Variants in AOAH observed in about 807,000 individuals in gnomAD.
The protein encoded by AOAH is acyloxyacyl hydrolase (neutrophil).
A neutral mutation model predicts 92.2 loss-of-function variants in AOAH; 64 were observed. The ratio of observed to expected loss-of-function variants is 0.69; its 90% CI spans 0.57 to 0.86. The LOEUF (loss-of-function observed/expected upper bound fraction) is 0.86. Among genes scored for constraint, AOAH ranks in the 40% least tolerant of loss-of-function variants. AOAH has a pLI of 0.00. For missense variants in AOAH, 656 were observed against 694.6 expected (o/e 0.94, Z 0.62); for synonymous variants, 263 against 254.5 (o/e 1.03, Z -0.32).
intron 1 of AOAH, among the ~76,000 whole-genome samples, chr7:36,701,712 C>T (rs1798045971): frequency 6.6e-6 from 1 of 151,824 alleles, no homozygotes; most frequent in Non-Finnish European, 1.5e-5. Flanking sequence ...CTCTAGCAGA[C>T]AGAGTATACT....
intron 3 of AOAH, among the ~76,000 whole-genome samples, chr7:36,663,564 C>G: frequency 6.6e-6 from 1 of 152,210 alleles, no homozygotes; most frequent in East Asian, 1.9e-4. Flanking sequence ...TGGAATCATA[C>G]TGCATGTAGC....
intron 1 of AOAH, among the ~76,000 whole-genome samples, chr7:36,708,499 G>A (rs1798565869): frequency 6.6e-6 from 1 of 151,842 alleles, no homozygotes; most frequent in African/African-American, 2.4e-5. Context: ...CTTTAATTCT[G>A]TGGATATCCC....
intron 2 of AOAH, among the ~76,000 whole-genome samples, chr7:36,682,463 A>G (rs1432314911): frequency 2.0e-5 from 3 of 152,242 alleles, no homozygotes; most frequent in East Asian, 3.8e-4. Context: ...AGTTATTATA[A>G]GAAGAAAAAG....
chr7:36,665,748 T>TA (rs139451403), intron 3 of AOAH, among the ~76,000 whole-genome samples: 2,779 of 152,232 alleles, frequency 0.018, 70 homozygotes, highest in African/African-American at 0.063. Context: ...GAGTTTTTTT[T>TA]AAATCACAAA....
chr7:36,582,073 T>C (rs886251897), intron 12 of AOAH, among the ~76,000 whole-genome samples: 1 of 152,228 alleles, frequency 6.6e-6, no homozygotes, highest in Non-Finnish European at 1.5e-5. Flanking sequence ...TAGGACAAGC[T>C]GAGGCTACTA....
intron 3 of AOAH, among the ~76,000 whole-genome samples, chr7:36,665,669 T>C (rs980696516): frequency 3.9e-5 from 6 of 152,146 alleles, no homozygotes; most frequent in Non-Finnish European, 5.9e-5. Context: ...TGATGTTCAT[T>C]GTAGTCTTTT....
chr7:36,589,090 C>T (rs1171225377), intron 12 of AOAH, among the ~76,000 whole-genome samples: 2 of 151,972 alleles, frequency 1.3e-5, no homozygotes, highest in Non-Finnish European at 1.5e-5. Flanking sequence ...GTTTTTCATC[C>T]TTATCACTTA....
intron 11 of AOAH, among the ~76,000 whole-genome samples, chr7:36,612,338 G>A (rs963347349): frequency 6.6e-6 from 1 of 152,098 alleles, no homozygotes; most frequent in African/African-American, 2.4e-5. Context: ...TTGCTTAACC[G>A]ATTATCATAA....
intron 1 of AOAH, among the ~76,000 whole-genome samples, chr7:36,711,026 G>T (rs745720316): frequency 6.6e-6 from 1 of 152,134 alleles, no homozygotes; most frequent in African/African-American, 2.4e-5. Flanking sequence ...GCAGAACCAG[G>T]ATTCAAATCT....
chr7:36,645,078 A>T (rs1430226288), intron 4 of AOAH, among the ~76,000 whole-genome samples: 2 of 152,184 alleles, frequency 1.3e-5, no homozygotes, highest in Non-Finnish European at 2.9e-5. Flanking sequence ...TGCCCACTGG[A>T]GGAGGGAAGT....
At chr7:36,518,536 A>G (rs538835304) in intron 20 of AOAH, among the ~76,000 whole-genome samples, 1 of 152,332 alleles carries the variant, frequency 6.6e-6, no homozygotes, top group Non-Finnish European at 1.5e-5. Flanking sequence ...GCCAGTTCAC[A>G]CAACCTTGGC....
chr7:36,698,053 G>T (rs1584141513), intron 1 of AOAH, among the ~76,000 whole-genome samples: 1 of 152,094 alleles, frequency 6.6e-6, no homozygotes, highest in East Asian at 1.9e-4. Flanking sequence ...CCTAATTTAT[G>T]GTAATGTTTT....
Position 36,513,380 on chromosome 7 carries a change from C to A in AOAH, c.1600G>T (p.Val534Leu). The A allele has an allele frequency of 6.2e-7, 1 of 1,613,410 alleles. No homozygotes were observed. Among genetic ancestry groups the A allele is most frequent in the Middle Eastern group, 1.7e-4 (1 of 6,056 alleles). ...EPVDGFHPNEVALLLLADHFW... is the reference protein window; with the variant it reads ...EPVDGFHPNELALLLLADHFW... ...TGATCCGCCAACAACAGCAAAGCCACCTGTGAGAGAGAACCCAAAGGACGA... is the reference window on the plus strand; with the variant it reads ...TGATCCGCCAACAACAGCAAAGCCAACTGTGAGAGAGAACCCAAAGGACGA... The change falls in exon 21 of 21, where the codon GTG becomes TTG. Residue 534 changes from valine (V) to leucine (L), a missense_variant and splice_region_variant. Coordinates refer to ENST00000617537, the MANE Select transcript of AOAH (RefSeq NM_001637.4).
chr7:36,522,320 G>T (rs1784147832), intron 19 of AOAH, among the ~76,000 whole-genome samples: 1 of 152,258 alleles, frequency 6.6e-6, no homozygotes, highest in African/African-American at 2.4e-5. Flanking sequence ...AACTCAGGAA[G>T]GGAATACGTG....
intron 3 of AOAH, among the ~76,000 whole-genome samples, chr7:36,669,689 C>T (rs924321656): frequency 2.0e-5 from 3 of 152,114 alleles, no homozygotes; most frequent in Admixed American, 6.5e-5. Flanking sequence ...AGTGGCTCTG[C>T]CCTGTATTTT....
chr7:36,573,409 T>C (rs1279259484), intron 13 of AOAH, among the ~76,000 whole-genome samples: 1 of 152,134 alleles, frequency 6.6e-6, no homozygotes, highest in Non-Finnish European at 1.5e-5. Context: ...AGATGACTTC[T>C]CCATTCTCCA....
chr7:36,684,010 A>G (rs963409436), intron 2 of AOAH, among the ~76,000 whole-genome samples: 5 of 152,240 alleles, frequency 3.3e-5, no homozygotes, highest in African/African-American at 9.6e-5. Flanking sequence ...AAAAAAAAAA[A>G]GAGTGGCCAA....
At chr7:36,549,506 A>G in intron 13 of AOAH, 31 bp from the exon 14 acceptor site, 1 of 1,462,758 alleles carries the variant, frequency 6.8e-7, no homozygotes, top group African/African-American at 1.4e-5. Flanking sequence ...AAACAATTAA[A>G]GTTAGTGAGT....
chr7:36,564,790 C>T (rs140566537), intron 13 of AOAH, among the ~76,000 whole-genome samples: 64 of 152,302 alleles, frequency 4.2e-4, no homozygotes, highest in Non-Finnish European at 7.8e-4. Context: ...GCATCAAAAG[C>T]GCACACTCTT....
Sources: allele counts gnomAD v4.1 joint callset (sites outside exome capture counted in the v4.1 genomes callset), GRCh38; gene constraint gnomAD v4.1.1; transcripts MANE v1.5; gene names NCBI Gene and HGNC (gene_info 2026-07-23, HGNC 2026-07-21).